Variants in GPM6A observed in about 807,000 individuals in gnomAD.
GPM6A encodes the protein neuronal membrane glycoprotein M6-a.
GPM6A carries 7 observed loss-of-function variants against 32.1 expected under a neutral mutation model. The observed-to-expected ratio is 0.22, with a 90% CI of 0.12 to 0.41. GPM6A has a LOEUF of 0.41. Ranked by LOEUF, GPM6A falls within the 10% of genes least tolerant of loss-of-function variation. The probability of loss-of-function intolerance (pLI) is 1.00; values close to 1 mark genes in which losing one functional copy is unlikely to be tolerated. For missense variants in GPM6A, 235 were observed against 347.2 expected (o/e 0.68, Z 2.57); for synonymous variants, 130 against 123.4 (o/e 1.05, Z -0.35).
intron 1 of GPM6A, among the ~76,000 whole-genome samples, chr4:175,826,131 G>C (rs1239183923): frequency 6.6e-6 from 1 of 151,812 alleles, no homozygotes; most frequent in Admixed American, 6.6e-5. Context: ...ATGCATTCCA[G>C]CCTGGGTACC....
chr4:176,002,213 C>G (rs957486520), intron 1 of GPM6A: 66 of 1,289,744 alleles, frequency 5.1e-5, no homozygotes, highest in South Asian at 4.0e-4. Context: ...GGGAAGGACG[C>G]AGTCTGAGGC....
rs189441699 is a variant in GPM6A at position 175,829,170 on chromosome 4, C to T, written c.-22-16921G>A. Among the ~76,000 whole-genome samples the T allele has an allele frequency of 4.9e-3, 745 of 152,282 alleles. 6 individuals are homozygous for T. The highest frequency in any genetic ancestry group is 0.016 in the African/African-American group (684 of 41,554). The stretch of plus-strand genomic sequence containing the variant: ...GTCTCGAAATCCTGAGCTCAAGCAA[C>T]CCACCTGCCTTGGCCTTCCAAAGTG... On this transcript the variant is annotated intron_variant, in intron 1 of 7. Coordinates refer to the GPM6A transcript ENST00000280187.
chr4:175,881,853 A>AG (rs201345103), intron 1 of GPM6A, among the ~76,000 whole-genome samples: 1,493 of 148,262 alleles, frequency 0.01, 27 homozygotes, highest in African/African-American at 0.033. Flanking sequence ...GGGTGGGAGG[A>AG]GGGGGAGGGA....
chr4:175,820,519 G>C lies in GPM6A; in HGVS notation c.-22-8270C>G, dbSNP rs76050739. On this transcript the variant is annotated intron_variant, in intron 1 of 7. Transcript: ENST00000280187. The stretch of plus-strand genomic sequence containing the variant: ...TTCTTTCTTTTTTTTTTTTTTTTTT[G>C]AGATGGAGTCTTGCTCTGTTGCCCA... Among the ~76,000 whole-genome samples, 21 of 13,380 alleles carry C rather than the reference G, an allele frequency of 1.6e-3. No individual in the cohort carries two copies. The South Asian group carries it at 0.049, about 31-fold the overall frequency. 8.8% of individuals were successfully genotyped at this position (13,380 alleles called of 152,430 possible).
intron 1 of GPM6A, among the ~76,000 whole-genome samples, chr4:175,874,923 T>C (rs565262068): frequency 7.7e-4 from 118 of 152,336 alleles, no homozygotes; most frequent in Non-Finnish European, 1.3e-3. Context: ...CCTTTCTTAC[T>C]GCTTAACACG....
intron 1 of GPM6A, among the ~76,000 whole-genome samples, chr4:175,747,398 C>T (rs1732153248): frequency 6.6e-6 from 1 of 151,700 alleles, no homozygotes; most frequent in African/African-American, 2.4e-5. Flanking sequence ...GCTATACATA[C>T]AGTAGTATGC....
chr4:175,909,044 G>GT lies in GPM6A; in HGVS notation c.-23+93264_-23+93265insA, dbSNP rs371048115. ...AGAGGCAGACAAAAAAAAAAGGGCG[G>GT]GGGGGGGGCAACTAGCTCATAACCA... On this transcript the variant is annotated intron_variant, in intron 1 of 7. Coordinates refer to the GPM6A transcript ENST00000280187. Among the ~76,000 whole-genome samples the GT allele has an allele frequency of 3.1e-4, 33 of 106,046 alleles. 2 individuals are homozygous for GT. In the South Asian group the frequency reaches 0.01, roughly 32 times the overall value. The allele number at this position is 106,046 out of a possible 152,430, so 69.6% of individuals were successfully genotyped here.
intron 3 of GPM6A, among the ~76,000 whole-genome samples, chr4:175,659,435 A>G (rs1579351988): frequency 6.6e-6 from 1 of 152,166 alleles, no homozygotes; most frequent in Non-Finnish European, 1.5e-5. Context: ...TAACAAATAC[A>G]GTATTACTAT....
At chr4:175,663,695 T>A (rs113800030) in intron 3 of GPM6A, among the ~76,000 whole-genome samples, 1 of 58,366 alleles carries the variant, frequency 1.7e-5, no homozygotes. Context: ...AAAATGTAAA[T>A]TTTTTTTTTT....
chr4:175,773,187 T>A (rs1343151803), intron 1 of GPM6A, among the ~76,000 whole-genome samples: 1 of 152,220 alleles, frequency 6.6e-6, no homozygotes, highest in Non-Finnish European at 1.5e-5. Flanking sequence ...TGAATGGTTT[T>A]TCAGAAGAAC....
At chr4:175,775,535 C>G (rs1733359177) in intron 1 of GPM6A, among the ~76,000 whole-genome samples, 1 of 151,978 alleles carries the variant, frequency 6.6e-6, no homozygotes, top group Non-Finnish European at 1.5e-5. Context: ...TAATCCTTAC[C>G]TATCCACTAT....
At chr4:175,802,450 T>C (rs1017404161) in intron 1 of GPM6A, among the ~76,000 whole-genome samples, 1 of 152,070 alleles carries the variant, frequency 6.6e-6, no homozygotes, top group African/African-American at 2.4e-5. Flanking sequence ...CTTGATCCCA[T>C]CTAAAATATA....
At chr4:175,749,803 C>A (rs1379567643) in intron 1 of GPM6A, among the ~76,000 whole-genome samples, 1 of 152,132 alleles carries the variant, frequency 6.6e-6, no homozygotes, top group East Asian at 1.9e-4. Context: ...AGACATCCTT[C>A]TGAGAACTAT....
chr4:175,664,256 A>C (rs1742607230), intron 3 of GPM6A, among the ~76,000 whole-genome samples: 1 of 152,286 alleles, frequency 6.6e-6, no homozygotes, highest in Middle Eastern at 3.4e-3. Context: ...GTGATACTGT[A>C]ATGGTTGATA....
At chr4:175,637,251 TAA>T (rs1560841759) in intron 6 of GPM6A, among the ~76,000 whole-genome samples, 73 of 67,854 alleles carry the variant, frequency 1.1e-3, no homozygotes, top group Middle Eastern at 0.012. Flanking sequence ...ATATTATATA[TAA>T]TATAAAATAT....
intron 1 of GPM6A, among the ~76,000 whole-genome samples, chr4:175,919,564 G>C (rs1738601613): frequency 6.6e-6 from 1 of 152,062 alleles, no homozygotes; most frequent in African/African-American, 2.4e-5. Flanking sequence ...AGTATGCAAG[G>C]GTGAATAAAG....
At chr4:175,752,711 A>G (rs1047376793) in intron 1 of GPM6A, among the ~76,000 whole-genome samples, 1 of 152,154 alleles carries the variant, frequency 6.6e-6, no homozygotes, top group Admixed American at 6.6e-5. Flanking sequence ...TATCTCTTAC[A>G]TGAAATTAAA....
chr4:175,776,097 A>G (rs1733382953), intron 1 of GPM6A, among the ~76,000 whole-genome samples: 1 of 152,164 alleles, frequency 6.6e-6, no homozygotes, highest in South Asian at 2.1e-4. Flanking sequence ...TTGAAACCAG[A>G]TTTTTTTAAA....
chr4:175,966,861 T>C (rs1442289194), intron 1 of GPM6A, among the ~76,000 whole-genome samples: 1 of 152,186 alleles, frequency 6.6e-6, no homozygotes, highest in Non-Finnish European at 1.5e-5. Context: ...TGAAGATGGG[T>C]CTACTATTGA....
Sources: gnomAD v4.1 joint callset for allele counts (sites outside exome capture counted in the v4.1 genomes callset) on GRCh38, gnomAD v4.1.1 for gene constraint, MANE v1.5 for transcripts, NCBI Gene and HGNC (gene_info 2026-07-23, HGNC 2026-07-21) for gene names.